The following CAMK2B variants were observed in gnomAD, a reference collection of about 807,000 sequenced individuals.
CAMK2B encodes the protein calcium/calmodulin dependent protein kinase II beta, also known as calcium/calmodulin-dependent protein kinase type II subunit beta.
Under a neutral mutation model 93.7 loss-of-function variants are expected in CAMK2B, and 27 were observed. That is an observed-to-expected ratio of 0.29 (90% CI 0.21 to 0.40). The LOEUF (loss-of-function observed/expected upper bound fraction) is 0.40. CAMK2B is among the 10% of genes least tolerant of loss of function. The pLI is 1.00. For synonymous variants in CAMK2B, 374 were observed against 358.8 expected (o/e 1.04, Z -0.48); for missense variants, 568 against 895.8 (o/e 0.63, Z 4.67).
rs1320027530 is a variant in CAMK2B at position 44,248,713 on chromosome 7, A to AG, written c.342-1522dup. ...GAGAGGTCAGCCTTCTTCCTCAAATAGCTCCCACCCGTCTTGGTCCCATCT... is the reference window on the plus strand; with the variant it reads ...GAGAGGTCAGCCTTCTTCCTCAAATAGGCTCCCACCCGTCTTGGTCCCATCT... On this transcript the variant is annotated intron_variant, in intron 5 of 23. Transcript: ENST00000395749. This position sits in a 1 kb window ranked among gnomAD's most constrained non-coding sequence, Gnocchi z 4.1. Among the ~76,000 whole-genome samples, 3 of 152,198 alleles carry AG rather than the reference A, an allele frequency of 2.0e-5. No homozygotes were observed. Among genetic ancestry groups the AG allele is most frequent in the Non-Finnish European group, 4.4e-5 (3 of 68,034 alleles).
chr7:44,233,710 A>C (rs926929382), intron 15 of CAMK2B, among the ~76,000 whole-genome samples: 2 of 152,144 alleles, frequency 1.3e-5, no homozygotes, highest in African/African-American at 4.8e-5. Flanking sequence ...CCCCAGGGCA[A>C]GGGGCACTGA....
intron 6 of CAMK2B, among the ~76,000 whole-genome samples, chr7:44,244,458 C>A (rs952505196): frequency 6.6e-6 from 1 of 150,950 alleles, no homozygotes; most frequent in African/African-American, 2.4e-5. Context: ...TGGCTGCAGG[C>A]CTTCCTTGTC....
Position 44,220,194 on chromosome 7 carries a change from C to A in CAMK2B, c.1869G>T (p.Thr623=). Residue 623 remains threonine (T), a synonymous_variant, in exon 23 of 24, where the codon ACG becomes ACT. Transcript: ENST00000395749. ...GCCGGCCCTGCCCGTCAATGTACTG[C>A]GTGAGCCGGATGTAAGCGATGCAGG... The part of the protein sequence containing the change: ...DAACIAYIRL[T]QYIDGQGRPR... 1 of 1,613,128 alleles carries A rather than the reference C, an allele frequency of 6.2e-7. No individual in the cohort carries two copies. The highest frequency in any genetic ancestry group is 8.5e-7 in the Non-Finnish European group (1 of 1,180,008).
At chr7:44,323,502 G>C (rs1474576291) in intron 1 of CAMK2B, among the ~76,000 whole-genome samples, 1 of 152,240 alleles carries the variant, frequency 6.6e-6, no homozygotes, top group East Asian at 1.9e-4. Flanking sequence ...CACTGGCCAG[G>C]ACATCCAGCT....
intron 1 of CAMK2B, among the ~76,000 whole-genome samples, chr7:44,321,798 C>G (rs1197032700): frequency 2.0e-5 from 3 of 152,180 alleles, no homozygotes; most frequent in African/African-American, 7.2e-5. Flanking sequence ...AGACCTCTTC[C>G]TACCCAACAA....
chr7:44,315,506 G>A lies in CAMK2B; in HGVS notation c.65+9851C>T, dbSNP rs114652400. ...GTAGTTAGTTTTGAAATCAGAACCC[G>A]TGAGTCCTCTGACTTTGTTCTCCTT... On this transcript the variant is annotated intron_variant, in intron 1 of 23. Coordinates refer to ENST00000395749, the MANE Select transcript of CAMK2B (RefSeq NM_001220.5). Among the ~76,000 whole-genome samples, 719 of 152,304 alleles carry A rather than the reference G, an allele frequency of 4.7e-3. 5 individuals are homozygous for A. The highest frequency in any genetic ancestry group is 0.017 in the African/African-American group (686 of 41,568).
chr7:44,308,208 C>T (rs934864880), intron 1 of CAMK2B, among the ~76,000 whole-genome samples: 1 of 152,196 alleles, frequency 6.6e-6, no homozygotes, highest in Non-Finnish European at 1.5e-5. Flanking sequence ...TCCTCTTTGC[C>T]CCTAAAATCC....
chr7:44,242,263 G>A lies in CAMK2B; in HGVS notation c.774C>T (p.Ala258=), dbSNP rs2096687167. The change falls in exon 10 of 24, where the codon GCC becomes GCT. Residue 258 remains alanine (A), a synonymous_variant. Transcript: ENST00000395749. ...GGGCCTCATGGGCTGTGATGCGCTTGGCAGGGTTGATGGTCAGCATCTGGT... is the reference window on the plus strand; with the variant it reads ...GGGCCTCATGGGCTGTGATGCGCTTAGCAGGGTTGATGGTCAGCATCTGGT... ...LINQMLTINP[A]KRITAHEALK... 1 of 1,614,116 alleles carries A rather than the reference G, an allele frequency of 6.2e-7. No homozygotes were observed. Among genetic ancestry groups the A allele is most frequent in the Non-Finnish European group, 8.5e-7 (1 of 1,179,952 alleles).
chr7:44,287,644 C>T (rs1390442551), intron 1 of CAMK2B, among the ~76,000 whole-genome samples: 1 of 150,976 alleles, frequency 6.6e-6, no homozygotes, highest in Admixed American at 6.6e-5. Flanking sequence ...TCACCATACT[C>T]CCTTGCGACT....
chr7:44,323,422 C>T (rs987342851), intron 1 of CAMK2B, among the ~76,000 whole-genome samples: 4 of 152,240 alleles, frequency 2.6e-5, no homozygotes, highest in African/African-American at 9.6e-5. Context: ...ACCTGGTCTC[C>T]ACCTCTGGAG....
At chr7:44,241,181 C>G (rs181395846) in intron 11 of CAMK2B, among the ~76,000 whole-genome samples, 1 of 152,118 alleles carries the variant, frequency 6.6e-6, no homozygotes, top group Non-Finnish European at 1.5e-5. Context: ...GTCCCCATCC[C>G]GGAACCCACA....
At chr7:44,290,489 C>A (rs896906410) in intron 1 of CAMK2B, among the ~76,000 whole-genome samples, 1 of 152,248 alleles carries the variant, frequency 6.6e-6, no homozygotes, top group African/African-American at 2.4e-5. Flanking sequence ...AGGCCACCTA[C>A]GTCCTTTCTT....
chr7:44,220,579 A>G, intron 22 of CAMK2B, 37 bp downstream of exon 22: 2 of 1,535,936 alleles, frequency 1.3e-6, no homozygotes, highest in Non-Finnish European at 1.8e-6. Context: ...TCCTGGGGGC[A>G]CCGCCCCCTC....
In CAMK2B at chr7:44,286,354, G is replaced by A. The variant is rs998464865; in HGVS notation, c.66-2129C>T. ...GAGCAGGGAGTCTGGGCCTCCGTGC[G>A]CCAGAACGCAACCACACACTGCAGG... On this transcript the variant is annotated intron_variant, in intron 1 of 23. Coordinates refer to ENST00000395749, the MANE Select transcript of CAMK2B (RefSeq NM_001220.5). This position sits in a 1 kb window ranked among gnomAD's most constrained non-coding sequence, Gnocchi z 4.0. Among the ~76,000 whole-genome samples the A allele has an allele frequency of 5.3e-5, 8 of 152,184 alleles. No individual in the cohort carries two copies. Among genetic ancestry groups the A allele is most frequent in the South Asian group, 2.1e-4 (1 of 4,814 alleles).
intron 20 of CAMK2B, 87 bp downstream of exon 20, chr7:44,226,429 G>C (rs960643953): frequency 9.0e-7 from 1 of 1,115,908 alleles, no homozygotes; most frequent in African/African-American, 1.6e-5. Flanking sequence ...CCGCAAGAAT[G>C]GCCCTTCCCA....
intron 2 of CAMK2B, among the ~76,000 whole-genome samples, chr7:44,279,885 G>A (rs1318944163): frequency 1.3e-5 from 2 of 152,122 alleles, no homozygotes; most frequent in Admixed American, 6.6e-5. Context: ...ATCCCTCAAC[G>A]CCCATGCAAC....
intron 15 of CAMK2B, among the ~76,000 whole-genome samples, chr7:44,233,893 C>G (rs2096601831): frequency 6.6e-6 from 1 of 152,208 alleles, no homozygotes; most frequent in Admixed American, 6.5e-5. Flanking sequence ...CCACCGTGGC[C>G]CCGTCTCCCC....
At position 44,311,737 on chromosome 7, in the gene CAMK2B, A is replaced by G. The variant is rs910344397; in HGVS notation, c.65+13620T>C. Among the ~76,000 whole-genome samples, 3 of 152,180 alleles carry G rather than the reference A, an allele frequency of 2.0e-5. No individual in the cohort carries two copies. Among genetic ancestry groups the G allele is most frequent in the Non-Finnish European group, 4.4e-5 (3 of 68,008 alleles). The stretch of plus-strand genomic sequence containing the variant: ...CCCAGCTCTGGGCCTCAGGGACAAC[A>G]GTGGGAAACCAGAGGCCTTCAGGCC... On this transcript the variant is annotated intron_variant, in intron 1 of 23. Coordinates refer to ENST00000395749, the MANE Select transcript of CAMK2B (RefSeq NM_001220.5). This position sits in a 1 kb window ranked among gnomAD's most constrained non-coding sequence, Gnocchi z 4.2.
intron 1 of CAMK2B, among the ~76,000 whole-genome samples, chr7:44,293,305 G>A (rs954760707): frequency 3.3e-5 from 5 of 152,256 alleles, no homozygotes; most frequent in Non-Finnish European, 5.9e-5. Context: ...AATGCTATGA[G>A]CAGAGCACAG....
Sources: gnomAD v4.1 joint callset for allele counts (sites outside exome capture counted in the v4.1 genomes callset) on GRCh38, gnomAD v4.1.1 for gene constraint, Gnocchi (gnomAD v3.1) non-coding constraint, MANE v1.5 for transcripts, NCBI Gene and HGNC (gene_info 2026-07-23, HGNC 2026-07-21) for gene names.